Variants in MAP3K2 observed in about 807,000 individuals in gnomAD.
MAP3K2 encodes the protein mitogen-activated protein kinase kinase kinase 2.
A neutral mutation model predicts 80.3 loss-of-function variants in MAP3K2; 24 were observed. That is an observed-to-expected ratio of 0.30 (90% CI 0.22 to 0.42). MAP3K2 has a LOEUF of 0.42. MAP3K2 is among the 10% of genes least tolerant of loss of function. The probability of loss-of-function intolerance (pLI) is 1.00; values close to 1 mark genes in which losing one functional copy is unlikely to be tolerated. For synonymous variants in MAP3K2, 244 were observed against 253.7 expected, an observed-to-expected ratio of 0.96 and a Z score of 0.36; for missense variants, 608 against 750.1, an observed-to-expected ratio of 0.81 and a Z score of 2.21.
chr2:127,388,094 G>C, upstream of MAP3K2: 4 of 984,382 alleles, frequency 4.1e-6, no homozygotes, highest in Non-Finnish European at 4.8e-6. Context: ...GTCGGCGCCT[G>C]CGCAGAGGCC....
rs1371945786 is a variant in MAP3K2 at position 127,304,638 on chromosome 2, A to C, written c.*2941T>G. The C allele has an allele frequency of 6.6e-6, 1 of 151,610 alleles. No homozygotes were observed. The highest frequency in any genetic ancestry group is 1.5e-5 in the Non-Finnish European group (1 of 67,856). 9.4% of individuals were successfully genotyped at this position (151,610 alleles called of 1,614,324 possible). A position where few individuals can be genotyped will look rare whatever the true frequency, so the allele number is the denominator to read the frequency against. On this transcript the variant is annotated 3_prime_UTR_variant, in exon 17 of 17. Transcript: ENST00000682094. ...TGCATTTAAGAAACAAAACACATTT[A>C]GAGTTATCTTAAAAAGTTCAAATTG...
chr2:127,375,351 C>A (rs1687132237), intron 1 of MAP3K2, among the ~76,000 whole-genome samples: 1 of 152,056 alleles, frequency 6.6e-6, no homozygotes, highest in South Asian at 2.1e-4. Flanking sequence ...CTGCTCTGGA[C>A]ACAGACACCA....
At chr2:127,336,011 G>T in intron 4 of MAP3K2, 42 bp from the exon 5 acceptor site, 1 of 1,225,486 alleles carries the variant, frequency 8.2e-7, no homozygotes, top group Non-Finnish European at 1.2e-6. Flanking sequence ...CTTAGGCAAA[G>T]TTAAATAATA....
intron 1 of MAP3K2, among the ~76,000 whole-genome samples, chr2:127,353,781 G>T (rs1220506274): frequency 1.3e-5 from 2 of 152,162 alleles, no homozygotes; most frequent in East Asian, 3.9e-4. Context: ...GATGACAATG[G>T]CAGTTTTGTG....
chr2:127,319,570 C>T (rs941878004), intron 12 of MAP3K2, among the ~76,000 whole-genome samples: 6 of 137,764 alleles, frequency 4.4e-5, no homozygotes, highest in Non-Finnish European at 7.5e-5. Context: ...TTTGGGAGGC[C>T]GAGGCGGACA....
In MAP3K2 at chr2:127,321,200, A is replaced by C. The variant is rs1686014387; in HGVS notation, c.1045+846T>G. ...TGCCTATATTACAAGAAAGGTTAAAATGCAGTTTTTCAGGCAGAAGGAATT... is the reference window on the plus strand; with the variant it reads ...TGCCTATATTACAAGAAAGGTTAAACTGCAGTTTTTCAGGCAGAAGGAATT... On this transcript the variant is annotated intron_variant, in intron 12 of 16. Coordinates refer to ENST00000682094, the MANE Select transcript of MAP3K2 (RefSeq NM_001371910.2). This position sits in a 1 kb window ranked among gnomAD's most constrained non-coding sequence, Gnocchi z 4.4. Among the ~76,000 whole-genome samples the C allele has an allele frequency of 6.6e-6, 1 of 152,188 alleles. No individual in the cohort carries two copies. The highest frequency in any genetic ancestry group is 1.5e-5 in the Non-Finnish European group (1 of 68,036).
intron 5 of MAP3K2, among the ~76,000 whole-genome samples, chr2:127,331,648 C>T (rs981777434): frequency 6.6e-6 from 1 of 152,236 alleles, no homozygotes; most frequent in African/African-American, 2.4e-5. Context: ...GTCTCACTGT[C>T]ATTCAGGCTG....
At chr2:127,337,161 G>A (rs924965676) in intron 4 of MAP3K2, among the ~76,000 whole-genome samples, 2 of 151,704 alleles carry the variant, frequency 1.3e-5, no homozygotes, top group African/African-American at 2.4e-5. Flanking sequence ...AAATTCTATC[G>A]GCCTTAATTC....
chr2:127,370,668 C>T (rs916128249), intron 1 of MAP3K2, among the ~76,000 whole-genome samples: 8 of 152,198 alleles, frequency 5.3e-5, no homozygotes, highest in African/African-American at 1.9e-4. Context: ...AGAAGGTACA[C>T]TAGCCATAGA....
intron 1 of MAP3K2, among the ~76,000 whole-genome samples, chr2:127,374,763 CACAGAAATT>C (rs1170845523): frequency 1.3e-5 from 2 of 152,170 alleles, no homozygotes; most frequent in African/African-American, 4.8e-5. Context: ...TGGGACGGCC[CACAGAAATT>C]AAAACTGATA....
intron 5 of MAP3K2, among the ~76,000 whole-genome samples, chr2:127,334,103 C>CA (rs914117268): frequency 2.6e-5 from 4 of 151,380 alleles, no homozygotes; most frequent in Admixed American, 6.6e-5. Context: ...TCGTCTCACA[C>CA]AAAAAACAAA....
chr2:127,316,747 C>T (rs1013747979), intron 14 of MAP3K2: 36 of 152,258 alleles, frequency 2.4e-4, no homozygotes, highest in African/African-American at 8.2e-4. Flanking sequence ...TAGGATGCAA[C>T]ATAAAGTACA....
At chr2:127,329,366 C>CTTTTTTTTTT (rs10625897) in intron 7 of MAP3K2, among the ~76,000 whole-genome samples, 4 of 146,416 alleles carry the variant, frequency 2.7e-5, no homozygotes, top group Non-Finnish European at 4.5e-5. Context: ...CAATTAAAAC[C>CTTTTTTTTTT]TTTTTTTTTG....
Position 127,300,765 on chromosome 2 carries a change from T to C in MAP3K2, c.*6814A>G, listed in dbSNP as rs1685577196. 6.6e-6 allele frequency: 1 copy of C among 152,004 alleles called. No individual in the cohort carries two copies. Among genetic ancestry groups the C allele is most frequent in the Non-Finnish European group, 1.5e-5 (1 of 68,004 alleles). The allele number at this position is 152,004 out of a possible 1,614,324, so 9.4% of individuals were successfully genotyped here. A position where few individuals can be genotyped will look rare whatever the true frequency, so the allele number is the denominator to read the frequency against. Reference sequence around the variant, plus strand: ...ATTGAATAGGGTGTATTGCAAGAATTTGGCCCACTTCATATTGCCCATAAG... The same window carrying C: ...ATTGAATAGGGTGTATTGCAAGAATCTGGCCCACTTCATATTGCCCATAAG... On this transcript the variant is annotated 3_prime_UTR_variant, in exon 17 of 17. Transcript: ENST00000682094.
chr2:127,363,552 C>CA (rs1211445372), intron 1 of MAP3K2, among the ~76,000 whole-genome samples: 3 of 152,298 alleles, frequency 2.0e-5, no homozygotes, highest in African/African-American at 7.2e-5. Flanking sequence ...CTGAAGTCAA[C>CA]ACGTTGCCTG....
At chr2:127,317,310 T>C (rs1484449989) in intron 14 of MAP3K2, among the ~76,000 whole-genome samples, 1 of 152,162 alleles carries the variant, frequency 6.6e-6, no homozygotes, top group Non-Finnish European at 1.5e-5. Flanking sequence ...TTAAGGGGCA[T>C]AACAATTAAA....
chr2:127,298,737 CAGA>C lies in MAP3K2; in HGVS notation c.*8839_*8841del, dbSNP rs1003985330. ...ATTCATTTATATTCATTCCATAGTC[CAGA>C]AGGTTACTTATTAGAGTAAGCCTTT... On this transcript the variant is annotated 3_prime_UTR_variant, in exon 17 of 17. Transcript: ENST00000682094. 91 of 152,200 alleles carry C rather than the reference CAGA, an allele frequency of 6.0e-4. No individual in the cohort carries two copies. The highest frequency in any genetic ancestry group is 2.2e-3 in the African/African-American group (91 of 41,506). The allele number at this position is 152,200 out of a possible 1,614,324, so 9.4% of individuals were successfully genotyped here.
At chr2:127,348,552 C>T (rs1346801354) in intron 1 of MAP3K2, among the ~76,000 whole-genome samples, 1 of 151,978 alleles carries the variant, frequency 6.6e-6, no homozygotes, top group Admixed American at 6.6e-5. Context: ...TCTACAGAGA[C>T]TGAAAGTAGA....
chr2:127,365,116 C>CAAAAAAAAAAAAAAAAAA lies in MAP3K2; in HGVS notation c.-65-21940_-65-21923dup, dbSNP rs10558890. ...TGGGCGACAGAGTGAGACTCTGCCT[C>CAAAAAAAAAAAAAAAAAA]AAAAAAAAAAAAAAAAAAAAAAAAA... On this transcript the variant is annotated intron_variant, in intron 1 of 16. Transcript: ENST00000682094. 1.6e-4 allele frequency among the ~76,000 whole-genome samples: 5 copies of CAAAAAAAAAAAAAAAAAA among 31,656 alleles called. 1 individual carries two copies. Among genetic ancestry groups the CAAAAAAAAAAAAAAAAAA allele is most frequent in the Non-Finnish European group, 2.3e-4 (4 of 17,146 alleles). The allele number at this position is 31,656 out of a possible 152,430, so 20.8% of individuals were successfully genotyped here. A position where few individuals can be genotyped will look rare whatever the true frequency, so the allele number is the denominator to read the frequency against.
Sources: allele counts gnomAD v4.1 joint callset (sites outside exome capture counted in the v4.1 genomes callset), GRCh38; gene constraint gnomAD v4.1.1; non-coding constraint Gnocchi (gnomAD v3.1); transcripts MANE v1.5; gene names NCBI Gene and HGNC (gene_info 2026-07-23, HGNC 2026-07-21).